Variants in SLC44A5 observed in about 807,000 individuals in gnomAD.
SLC44A5 encodes solute carrier family 44 member 5.
A neutral mutation model predicts 101.8 loss-of-function variants in SLC44A5; 57 were observed. The observed-to-expected ratio is 0.56, with a 90% confidence interval of 0.45 to 0.70. SLC44A5 has a LOEUF of 0.70. SLC44A5 is among the 30% of genes least tolerant of loss of function. The probability of loss-of-function intolerance (pLI) is 0.00; values close to 1 mark genes in which losing one functional copy is unlikely to be tolerated. For synonymous variants in SLC44A5, 281 were observed against 290.9 expected (o/e 0.97, Z 0.35); for missense variants, 737 against 853.1 (o/e 0.86, Z 1.70).
chr1:75,329,916 C>T (rs920598536), intron 4 of SLC44A5, among the ~76,000 whole-genome samples: 1 of 152,136 alleles, frequency 6.6e-6, no homozygotes, highest in Non-Finnish European at 1.5e-5. Context: ...TCTCCTACTA[C>T]GTGAAGCATT....
intron 1 of SLC44A5, among the ~76,000 whole-genome samples, chr1:75,602,562 A>C (rs886445707): frequency 2.6e-5 from 4 of 152,102 alleles, no homozygotes; most frequent in African/African-American, 9.7e-5. Context: ...TTTAAAGAGC[A>C]ATAATGGTCC....
At chr1:75,573,445 T>C (rs1245728034) in intron 1 of SLC44A5, among the ~76,000 whole-genome samples, 1 of 152,174 alleles carries the variant, frequency 6.6e-6, no homozygotes, top group South Asian at 2.1e-4. Context: ...TGGCTAAGGA[T>C]TGCAGTTTTT....
At chr1:75,480,779 C>T (rs538136342) in intron 2 of SLC44A5, among the ~76,000 whole-genome samples, 1 of 152,276 alleles carries the variant, frequency 6.6e-6, no homozygotes, top group African/African-American at 2.4e-5. Flanking sequence ...GAAGAACATT[C>T]CATGCTCATT....
chr1:75,386,448 T>A (rs1404534702), intron 3 of SLC44A5, among the ~76,000 whole-genome samples: 1 of 152,006 alleles, frequency 6.6e-6, no homozygotes, highest in South Asian at 2.1e-4. Flanking sequence ...ATGAGTGAAA[T>A]CCCATTCACA....
intron 1 of SLC44A5, among the ~76,000 whole-genome samples, chr1:75,547,098 T>C (rs900734131): frequency 5.9e-5 from 9 of 152,220 alleles, no homozygotes; most frequent in Admixed American, 2.6e-4. Flanking sequence ...TACAAATGGA[T>C]AACTCATTTT....
At chr1:75,582,089 T>G (rs1391944177) in intron 1 of SLC44A5, 4 of 719,380 alleles carry the variant, frequency 5.6e-6, no homozygotes, top group Non-Finnish European at 1.0e-5. Context: ...CGGGTTACAG[T>G]GCAGACATGG....
chr1:75,217,814 C>A (rs1334849123), intron 18 of SLC44A5, 52 bp downstream of exon 18: 3 of 1,208,700 alleles, frequency 2.5e-6, no homozygotes, highest in South Asian at 1.2e-5. Context: ...TCTCCCCCAA[C>A]CCCCAACCCA....
intron 3 of SLC44A5, among the ~76,000 whole-genome samples, chr1:75,353,484 A>AC (rs1658837688): frequency 6.6e-6 from 1 of 152,232 alleles, no homozygotes; most frequent in East Asian, 1.9e-4. Flanking sequence ...TGTATGCCCC[A>AC]CCACTCAGAA....
the SLC44A5 span, among the ~76,000 whole-genome samples, chr1:75,694,933 G>C: frequency 6.6e-6 from 1 of 152,034 alleles, no homozygotes; most frequent in African/African-American, 2.4e-5. Flanking sequence ...CATATTACTT[G>C]GCATACAAGT....
chr1:75,499,187 T>A (rs1246176629), intron 2 of SLC44A5, among the ~76,000 whole-genome samples: 1 of 152,196 alleles, frequency 6.6e-6, no homozygotes, highest in African/African-American at 2.4e-5. Flanking sequence ...CCCAACCTTT[T>A]TGGCACCGGG....
At chr1:75,245,005 T>C (rs1648983991) in intron 7 of SLC44A5, among the ~76,000 whole-genome samples, 1 of 152,122 alleles carries the variant, frequency 6.6e-6, no homozygotes, top group Non-Finnish European at 1.5e-5. Context: ...AGCTGACATC[T>C]CCTTTCCATC....
chr1:75,335,966 T>A (rs1017388374), intron 4 of SLC44A5, among the ~76,000 whole-genome samples: 1 of 152,138 alleles, frequency 6.6e-6, no homozygotes, highest in Non-Finnish European at 1.5e-5. Flanking sequence ...TTGTGCTTGC[T>A]CTTTAGCTTT....
At chr1:75,573,618 T>G (rs1333896366) in intron 1 of SLC44A5, among the ~76,000 whole-genome samples, 1 of 152,162 alleles carries the variant, frequency 6.6e-6, no homozygotes, top group Non-Finnish European at 1.5e-5. Flanking sequence ...CTGGGTATCG[T>G]CCTGACTACT....
At chr1:75,640,002 T>C in the SLC44A5 span, among the ~76,000 whole-genome samples, 9 of 152,200 alleles carry the variant, frequency 5.9e-5, no homozygotes, top group Admixed American at 1.3e-4. Context: ...GGTCAGTTAT[T>C]TTTAGGTCGT....
At chr1:75,630,358 C>T in the SLC44A5 span, among the ~76,000 whole-genome samples, 2 of 152,182 alleles carry the variant, frequency 1.3e-5, no homozygotes, top group Non-Finnish European at 2.9e-5. Flanking sequence ...GTCTCAGAAA[C>T]ATTCACCATT....
At chr1:75,506,134 T>C (rs142563268) in intron 2 of SLC44A5, among the ~76,000 whole-genome samples, 1,951 of 152,206 alleles carry the variant, frequency 0.013, 31 homozygotes, top group Middle Eastern at 0.054. Flanking sequence ...TTATTTTTGT[T>C]GATTTTGTTG....
At chr1:75,633,591 A>C in the SLC44A5 span, among the ~76,000 whole-genome samples, 1 of 152,094 alleles carries the variant, frequency 6.6e-6, no homozygotes, top group Admixed American at 6.6e-5. Context: ...ACTTTGCTGA[A>C]GTTGCCTATC....
chr1:75,668,037 T>C, the SLC44A5 span, among the ~76,000 whole-genome samples: 5 of 152,200 alleles, frequency 3.3e-5, no homozygotes, highest in Admixed American at 2.6e-4. Context: ...ACTAATTTAT[T>C]CACTTCCAAA....
chr1:75,692,463 G>A, the SLC44A5 span, among the ~76,000 whole-genome samples: 1 of 152,092 alleles, frequency 6.6e-6, no homozygotes, highest in African/African-American at 2.4e-5. Flanking sequence ...CCAAAGTGCT[G>A]GGATTACAGG....
Sources: allele counts gnomAD v4.1 joint callset (sites outside exome capture counted in the v4.1 genomes callset), GRCh38; gene constraint gnomAD v4.1.1; transcripts MANE v1.5; gene names NCBI Gene and HGNC (gene_info 2026-07-23, HGNC 2026-07-21).